The following CNTNAP2 variants were observed in gnomAD, a reference collection of about 807,000 sequenced individuals.
CNTNAP2 encodes the protein contactin-associated protein-like 2.
In CNTNAP2, 98 loss-of-function variants were observed where a neutral mutation model predicts 155.2. The observed-to-expected ratio is 0.63, with a 90% CI of 0.54 to 0.75. The LOEUF is 0.75. CNTNAP2 is among the 30% of genes least tolerant of loss of function. The probability of loss-of-function intolerance (pLI) is 0.00; values close to 1 mark genes in which losing one functional copy is unlikely to be tolerated. For missense variants in CNTNAP2, 1,727 were observed against 1,688.1 expected, an observed-to-expected ratio of 1.02 and a Z score of -0.40; for synonymous variants, 651 against 631.2, an observed-to-expected ratio of 1.03 and a Z score of -0.47.
At chr7:146,491,737 G>A (rs761304938) in intron 1 of CNTNAP2, among the ~76,000 whole-genome samples, 9 of 152,162 alleles carry the variant, frequency 5.9e-5, no homozygotes, top group Non-Finnish European at 8.8e-5. Context: ...TCTCATATCT[G>A]TGGATACAAA....
intron 3 of CNTNAP2, among the ~76,000 whole-genome samples, chr7:146,874,434 G>A (rs1292431998): frequency 6.6e-6 from 1 of 152,084 alleles, no homozygotes; most frequent in Admixed American, 6.6e-5. Context: ...CTGTCTCCAG[G>A]GTTCAAGTGA....
At chr7:147,126,197 C>A (rs1801230979) in intron 6 of CNTNAP2, among the ~76,000 whole-genome samples, 1 of 151,950 alleles carries the variant, frequency 6.6e-6, no homozygotes. Flanking sequence ...TTTTTTTTCC[C>A]TAATGAGGGT....
intron 4 of CNTNAP2, chr7:147,097,302 T>C (rs1800556942): frequency 6.6e-6 from 1 of 152,238 alleles, no homozygotes; most frequent in Non-Finnish European, 1.5e-5. Flanking sequence ...ATGGTGTTTG[T>C]TCATGTACAT....
Position 147,501,439 on chromosome 7 carries a change from A to AT in CNTNAP2, c.1777+15402dup, listed in dbSNP as rs570900369. On this transcript the variant is annotated intron_variant, in intron 11 of 23. Coordinates refer to ENST00000361727, the MANE Select transcript of CNTNAP2 (RefSeq NM_014141.6). ...TCCAAATCCAAAAGGAAGAAGTTAG[A>AT]TTTTCTCTGTTTGCAGATGACATGC... Among the ~76,000 whole-genome samples the AT allele has an allele frequency of 1.7e-3, 260 of 152,250 alleles. 1 individual carries two copies. Among genetic ancestry groups the AT allele is most frequent in the Non-Finnish European group, 2.0e-3 (136 of 68,008 alleles).
intron 1 of CNTNAP2, among the ~76,000 whole-genome samples, chr7:146,404,076 G>T (rs1201839400): frequency 7.6e-6 from 1 of 131,672 alleles, no homozygotes; most frequent in Non-Finnish European, 1.5e-5. Flanking sequence ...AGTGAGCCGA[G>T]ATCCCGCCAC....
chr7:147,360,482 A>G (rs932455670), intron 9 of CNTNAP2, among the ~76,000 whole-genome samples: 2 of 152,050 alleles, frequency 1.3e-5, no homozygotes, highest in Admixed American at 6.6e-5. Context: ...TAATTTTTCA[A>G]TATTTATTGT....
intron 10 of CNTNAP2, among the ~76,000 whole-genome samples, chr7:147,456,786 A>G (rs966375431): frequency 8.5e-5 from 13 of 152,330 alleles, no homozygotes; most frequent in East Asian, 1.9e-4. Context: ...AATGGAATGG[A>G]CGGGATAATA....
intron 1 of CNTNAP2, among the ~76,000 whole-genome samples, chr7:146,414,649 G>T (rs1795911913): frequency 6.6e-6 from 1 of 152,046 alleles, no homozygotes; most frequent in Non-Finnish European, 1.5e-5. Flanking sequence ...GACTGAAGGG[G>T]TTTGGAAAAA....
chr7:147,077,580 C>G (rs1238570034), intron 4 of CNTNAP2, among the ~76,000 whole-genome samples: 2 of 152,082 alleles, frequency 1.3e-5, no homozygotes, highest in Admixed American at 1.3e-4. Flanking sequence ...GGATACACAC[C>G]AAATACATAA....
intron 1 of CNTNAP2, among the ~76,000 whole-genome samples, chr7:146,655,436 A>G (rs570985924): frequency 2.7e-4 from 40 of 147,312 alleles, no homozygotes; most frequent in African/African-American, 9.9e-4. Context: ...AAAAAAAAAG[A>G]AAGAAAAATA....
chr7:147,238,835 T>G (rs999876818), intron 8 of CNTNAP2, among the ~76,000 whole-genome samples: 7 of 152,212 alleles, frequency 4.6e-5, no homozygotes, highest in Admixed American at 4.6e-4. Flanking sequence ...TAACAATTGC[T>G]ATGAAAGCAT....
chr7:146,444,654 T>G (rs547223109), intron 1 of CNTNAP2, among the ~76,000 whole-genome samples: 67 of 148,446 alleles, frequency 4.5e-4, no homozygotes, highest in African/African-American at 1.7e-3. Flanking sequence ...CCATAGATCC[T>G]CTCTCTCTTT....
intron 8 of CNTNAP2, among the ~76,000 whole-genome samples, chr7:147,275,139 C>T (rs540327343): frequency 1.3e-5 from 2 of 152,028 alleles, no homozygotes; most frequent in Non-Finnish European, 2.9e-5. Context: ...TTTGGCTCTT[C>T]GAGCTCTTTT....
At chr7:147,939,844 A>G (rs1276650681) in intron 14 of CNTNAP2, among the ~76,000 whole-genome samples, 1 of 152,118 alleles carries the variant, frequency 6.6e-6, no homozygotes, top group Non-Finnish European at 1.5e-5. Context: ...AAAGGTAAAT[A>G]AATCCCCCAT....
In CNTNAP2 at chr7:147,128,797, T is replaced by C. The variant is rs774427240; in HGVS notation, c.1044T>C (p.Thr348=). The C allele has an allele frequency of 1.9e-6, 3 of 1,613,992 alleles. No homozygotes were observed. Among genetic ancestry groups the C allele is most frequent in the Admixed American group, 1.7e-5 (1 of 60,000 alleles). ...ESINYNGVNI[T]DLARRKKLEP... Reference sequence around the variant, plus strand: ...TCAACTACAATGGCGTCAACATTACTGATCTTGCCAGAAGGAAGAAATTAG... The same window carrying C: ...TCAACTACAATGGCGTCAACATTACCGATCTTGCCAGAAGGAAGAAATTAG... The change falls in exon 7 of 24, where the codon ACT becomes ACC. Residue 348 remains threonine, a synonymous_variant. Coordinates refer to ENST00000361727, the MANE Select transcript of CNTNAP2 (RefSeq NM_014141.6).
At chr7:146,800,653 G>T (rs1802858974) in intron 2 of CNTNAP2, among the ~76,000 whole-genome samples, 1 of 152,148 alleles carries the variant, frequency 6.6e-6, no homozygotes, top group Non-Finnish European at 1.5e-5. Context: ...AAGAACTTAT[G>T]GGGCCTTATT....
At chr7:147,820,258 T>C (rs1798341050) in intron 13 of CNTNAP2, among the ~76,000 whole-genome samples, 1 of 152,150 alleles carries the variant, frequency 6.6e-6, no homozygotes, top group Non-Finnish European at 1.5e-5. Context: ...TGATTAATGA[T>C]TCTGGGCACT....
intron 11 of CNTNAP2, among the ~76,000 whole-genome samples, chr7:147,555,307 G>T (rs747610018): frequency 1.3e-5 from 2 of 152,016 alleles, no homozygotes; most frequent in East Asian, 1.9e-4. Flanking sequence ...AAACTATATC[G>T]CCGCTATGCC....
At chr7:147,770,624 T>C (rs760489733) in intron 13 of CNTNAP2, among the ~76,000 whole-genome samples, 1 of 152,120 alleles carries the variant, frequency 6.6e-6, no homozygotes, top group Non-Finnish European at 1.5e-5. Context: ...CACAATGATA[T>C]AAAAATATCA....
Sources: allele counts gnomAD v4.1 joint callset (sites outside exome capture counted in the v4.1 genomes callset), GRCh38; gene constraint gnomAD v4.1.1; transcripts MANE v1.5; gene names NCBI Gene and HGNC (gene_info 2026-07-23, HGNC 2026-07-21).